XKR6: variants seen among roughly 807,000 people sequenced by gnomAD.
The protein encoded by XKR6 is XK related 6, also known as XK-related protein 6.
In XKR6, 22 loss-of-function variants were observed where a neutral mutation model predicts 56.7. That is an observed-to-expected ratio of 0.39 (90% CI 0.28 to 0.55). XKR6 has a LOEUF of 0.55. Among genes scored for constraint, XKR6 ranks in the 20% least tolerant of loss-of-function variants. XKR6 has a pLI of 0.66. For missense variants in XKR6, 852 were observed against 889.0 expected (o/e 0.96, Z 0.53); for synonymous variants, 524 against 387.8 (o/e 1.35, Z -4.13).
intron 2 of XKR6, among the ~76,000 whole-genome samples, chr8:10,917,549 G>T (rs73535410): frequency 3.3e-5 from 5 of 152,240 alleles, no homozygotes; most frequent in African/African-American, 1.2e-4. Context: ...TGGGGTCAGA[G>T]GTCACTCTAG....
intron 1 of XKR6, among the ~76,000 whole-genome samples, chr8:11,029,943 C>G (rs914085650): frequency 6.6e-6 from 1 of 152,144 alleles, no homozygotes; most frequent in Non-Finnish European, 1.5e-5. Flanking sequence ...GTGTCCATAC[C>G]TCCAATCTCC....
At chr8:11,096,489 A>T (rs73545436) in intron 1 of XKR6, among the ~76,000 whole-genome samples, 14,327 of 152,302 alleles carry the variant, frequency 0.094, 1,407 homozygotes, top group African/African-American at 0.25. Context: ...ACAAAACACC[A>T]TTAGAATACT....
rs543503123 is a variant in XKR6 at position 11,165,335 on chromosome 8, T to C, written c.764+35241A>G. On this transcript the variant is annotated intron_variant, in intron 1 of 2. Transcript: ENST00000416569. The stretch of plus-strand genomic sequence containing the variant: ...GGCTGGTCTTGAACTCCTGACCTCA[T>C]GATCTGCCCACCTCGGCTTCCCAAA... 3.3e-5 allele frequency among the ~76,000 whole-genome samples: 5 copies of C among 152,176 alleles called. No homozygotes were observed. The East Asian group carries it at 9.7e-4, about 29-fold the overall frequency.
At chr8:11,172,401 T>C (rs1037828544) in intron 1 of XKR6, among the ~76,000 whole-genome samples, 1 of 152,124 alleles carries the variant, frequency 6.6e-6, no homozygotes, top group Non-Finnish European at 1.5e-5. Context: ...CAGTCTCTAG[T>C]ATTCCTTTAA....
chr8:11,174,491 T>A (rs771071914), intron 1 of XKR6, among the ~76,000 whole-genome samples: 7 of 152,242 alleles, frequency 4.6e-5, no homozygotes, highest in Non-Finnish European at 7.3e-5. Context: ...AGCTGCTGCC[T>A]AAATACTATT....
At chr8:11,101,148 C>T (rs1798462212) in intron 1 of XKR6, among the ~76,000 whole-genome samples, 2 of 152,190 alleles carry the variant, frequency 1.3e-5, no homozygotes, top group Admixed American at 6.5e-5. Flanking sequence ...CTACAGACAT[C>T]CCAATTTTTG....
Position 11,051,965 on chromosome 8 carries a change from T to C in XKR6, c.765-127135A>G, listed in dbSNP as rs796925326. ...GCCACGGTGGCGTGTTGCACAGGTATGCGTGTGCCATGGTGGTTTGCTGCA... is the reference window on the plus strand; with the variant it reads ...GCCACGGTGGCGTGTTGCACAGGTACGCGTGTGCCATGGTGGTTTGCTGCA... On this transcript the variant is annotated intron_variant, in intron 1 of 2. Transcript: ENST00000416569. 4.1e-4 allele frequency among the ~76,000 whole-genome samples: 63 copies of C among 152,314 alleles called. 1 individual carries two copies. The highest frequency in any genetic ancestry group is 1.5e-3 in the African/African-American group (61 of 41,570).
chr8:11,087,286 C>T (rs879352237), intron 1 of XKR6, among the ~76,000 whole-genome samples: 3 of 152,156 alleles, frequency 2.0e-5, no homozygotes, highest in Admixed American at 6.5e-5. Context: ...ATTGGTGAAC[C>T]GTCCACATGC....
chr8:11,181,144 G>A (rs1802954491), intron 1 of XKR6, among the ~76,000 whole-genome samples: 1 of 152,116 alleles, frequency 6.6e-6, no homozygotes, highest in Non-Finnish European at 1.5e-5. Context: ...ATGAGAAATG[G>A]TTGGTTAATG....
At chr8:10,981,711 C>T (rs1359945229) in intron 1 of XKR6, among the ~76,000 whole-genome samples, 2 of 152,222 alleles carry the variant, frequency 1.3e-5, no homozygotes, top group Non-Finnish European at 2.9e-5. Context: ...CCCCTGAAAA[C>T]TTGGTCTAAT....
At chr8:11,116,490 C>T (rs770331288) in intron 1 of XKR6, among the ~76,000 whole-genome samples, 3 of 152,156 alleles carry the variant, frequency 2.0e-5, no homozygotes, top group Non-Finnish European at 4.4e-5. Flanking sequence ...CCTGCCTTAG[C>T]CTCCTGAGTA....
At chr8:10,961,951 G>T (rs569074490) in intron 1 of XKR6, among the ~76,000 whole-genome samples, 1 of 152,090 alleles carries the variant, frequency 6.6e-6, no homozygotes, top group Non-Finnish European at 1.5e-5. Flanking sequence ...CAACACAAAC[G>T]CATAGCTATT....
chr8:11,107,938 C>T (rs1554459998), intron 1 of XKR6: 5 of 268,684 alleles, frequency 1.9e-5, no homozygotes, highest in South Asian at 1.1e-4. Context: ...GCATGTGCGG[C>T]GGCACCACTC....
intron 1 of XKR6, among the ~76,000 whole-genome samples, chr8:11,009,187 T>C (rs924137523): frequency 6.6e-6 from 1 of 152,058 alleles, no homozygotes; most frequent in Non-Finnish European, 1.5e-5. Flanking sequence ...GTGTAAGTGG[T>C]GCATGTCTCT....
In XKR6 at chr8:10,897,836, T is replaced by G. The variant is rs1586278105; in HGVS notation, c.*116A>C. 7.7e-7 allele frequency: 1 copy of G among 1,298,932 alleles called. No homozygotes were observed. The highest frequency in any genetic ancestry group is 1.0e-6 in the Non-Finnish European group (1 of 971,144). The allele number at this position is 1,298,932 out of a possible 1,614,324, so 80.5% of individuals were successfully genotyped here. On this transcript the variant is annotated 3_prime_UTR_variant, in exon 3 of 3. Coordinates refer to ENST00000416569, the MANE Select transcript of XKR6 (RefSeq NM_173683.4). The stretch of plus-strand genomic sequence containing the variant: ...TAGTGGTGGTGTTGGTGTGGCGGTG[T>G]TGGTGGTGGTGGCGGTGGTTCTGTG...
chr8:11,034,762 G>C (rs1799093874), intron 1 of XKR6, among the ~76,000 whole-genome samples: 2 of 152,200 alleles, frequency 1.3e-5, no homozygotes, highest in African/African-American at 2.4e-5. Flanking sequence ...ATGGGGAAGG[G>C]GTGATGGGTT....
At chr8:10,921,285 G>A (rs1051182099) in intron 2 of XKR6, among the ~76,000 whole-genome samples, 2 of 152,250 alleles carry the variant, frequency 1.3e-5, no homozygotes, top group Non-Finnish European at 2.9e-5. Context: ...AGATGATCCA[G>A]AGGGCCAGAA....
In XKR6 at chr8:11,006,419, T is replaced by C. The variant is rs1798370497; in HGVS notation, c.765-81589A>G. The stretch of plus-strand genomic sequence containing the variant: ...TCACTATCCATCCCTTATCGTATGT[T>C]GCATGTCTGAGACATGCCAGTCATT... On this transcript the variant is annotated intron_variant, in intron 1 of 2. Transcript: ENST00000416569. 2.0e-5 allele frequency among the ~76,000 whole-genome samples: 3 copies of C among 152,190 alleles called. No homozygotes were observed. In the South Asian group the frequency reaches 6.2e-4, roughly 32 times the overall value.
intron 2 of XKR6, among the ~76,000 whole-genome samples, chr8:10,919,600 C>G (rs1169630194): frequency 2.0e-5 from 3 of 152,118 alleles, no homozygotes; most frequent in African/African-American, 7.2e-5. Context: ...TTGCAACAAC[C>G]CAAAAAGTAC....
Sources: gnomAD v4.1 joint callset for allele counts (sites outside exome capture counted in the v4.1 genomes callset) on GRCh38, gnomAD v4.1.1 for gene constraint, MANE v1.5 for transcripts, NCBI Gene and HGNC (gene_info 2026-07-23, HGNC 2026-07-21) for gene names.